Variants in FAM178B observed in about 807,000 individuals in gnomAD.
FAM178B encodes family with sequence similarity 178 member B, also known as protein FAM178B.
A neutral mutation model predicts 91.7 loss-of-function variants in FAM178B; 82 were observed. The observed-to-expected ratio is 0.89, with a 90% CI of 0.75 to 1.07. The LOEUF (loss-of-function observed/expected upper bound fraction) is 1.07. Among genes scored for constraint, FAM178B ranks in the 50% least tolerant of loss-of-function variants. FAM178B has a pLI of 0.00. For missense variants in FAM178B, 769 were observed against 846.7 expected, an observed-to-expected ratio of 0.91 and a Z score of 1.14; for synonymous variants, 368 against 359.4, an observed-to-expected ratio of 1.02 and a Z score of -0.27.
intron 14 of FAM178B, among the ~76,000 whole-genome samples, chr2:96,888,099 C>T (rs2080573757): frequency 6.6e-6 from 1 of 152,274 alleles, no homozygotes; most frequent in South Asian, 2.1e-4. Flanking sequence ...CCCAGAAGTA[C>T]TGGCCTGTCC....
At chr2:96,914,123 C>T (rs1038672998) in intron 12 of FAM178B, among the ~76,000 whole-genome samples, 19 of 152,256 alleles carry the variant, frequency 1.2e-4, no homozygotes, top group South Asian at 2.1e-4. Flanking sequence ...GGGAGATGGA[C>T]GGGGCCCTCC....
At chr2:96,930,714 G>A (rs2081526439) in intron 8 of FAM178B, among the ~76,000 whole-genome samples, 1 of 152,208 alleles carries the variant, frequency 6.6e-6, no homozygotes, top group African/African-American at 2.4e-5. Context: ...GAGTGTTTAT[G>A]TATAGCCTCC....
At chr2:96,930,512 T>C (rs574654241) in intron 8 of FAM178B, among the ~76,000 whole-genome samples, 31 of 152,286 alleles carry the variant, frequency 2.0e-4, no homozygotes, top group African/African-American at 7.5e-4. Context: ...AGCAGTTGAC[T>C]TGCTTCTCCT....
At chr2:96,984,862 C>T (rs908993454) in intron 1 of FAM178B, among the ~76,000 whole-genome samples, 6 of 152,228 alleles carry the variant, frequency 3.9e-5, no homozygotes, top group Non-Finnish European at 7.4e-5. Flanking sequence ...TCTCTGCCTG[C>T]GTCTCCAACT....
chr2:96,896,244 C>A (rs991370553), intron 13 of FAM178B, among the ~76,000 whole-genome samples: 6 of 152,222 alleles, frequency 3.9e-5, no homozygotes, highest in African/African-American at 1.4e-4. Flanking sequence ...TCTTGCGATG[C>A]TTGCTCTTGT....
At chr2:96,949,552 C>G (rs753528624) in intron 7 of FAM178B, among the ~76,000 whole-genome samples, 1 of 152,182 alleles carries the variant, frequency 6.6e-6, no homozygotes, top group East Asian at 1.9e-4. Flanking sequence ...TGCCCCTACC[C>G]TGGGACCTCA....
At chr2:96,940,760 G>A (rs1333126557) in intron 8 of FAM178B, among the ~76,000 whole-genome samples, 3 of 152,238 alleles carry the variant, frequency 2.0e-5, no homozygotes, top group Admixed American at 6.5e-5. Context: ...AGGCACATAT[G>A]TAAGTGTATA....
At chr2:96,938,622 A>G (rs1304398784) in intron 8 of FAM178B, among the ~76,000 whole-genome samples, 1 of 152,252 alleles carries the variant, frequency 6.6e-6, no homozygotes, top group Non-Finnish European at 1.5e-5. Flanking sequence ...CACTCATTCA[A>G]CAAAAACCAC....
chr2:96,877,547 C>G (rs1055092313), intron 16 of FAM178B, among the ~76,000 whole-genome samples: 1 of 152,150 alleles, frequency 6.6e-6, no homozygotes, highest in Non-Finnish European at 1.5e-5. Context: ...GGATTACAGG[C>G]GCACACCACC....
intron 13 of FAM178B, among the ~76,000 whole-genome samples, chr2:96,901,721 T>C (rs1251321082): frequency 6.6e-6 from 1 of 152,142 alleles, no homozygotes; most frequent in African/African-American, 2.4e-5. Flanking sequence ...TGGAGATGGA[T>C]GGTGGTGATG....
At chr2:96,903,785 G>A (rs2080979712) in intron 12 of FAM178B, among the ~76,000 whole-genome samples, 3 of 152,214 alleles carry the variant, frequency 2.0e-5, no homozygotes, top group Non-Finnish European at 2.9e-5. Context: ...CTGGGTGAAC[G>A]GGAACTGAGG....
intron 7 of FAM178B, among the ~76,000 whole-genome samples, chr2:96,949,338 C>A (rs1041698065): frequency 6.6e-6 from 1 of 152,186 alleles, no homozygotes; most frequent in Non-Finnish European, 1.5e-5. Flanking sequence ...CCTGGGACCC[C>A]ACTTCCCGAG....
chr2:96,929,436 T>C lies in FAM178B; in HGVS notation c.1079-116A>G, dbSNP rs1559079796. The C allele has an allele frequency of 8.4e-6, 6 of 711,440 alleles. No individual in the cohort carries two copies. The East Asian group carries it at 1.4e-4, about 16-fold the overall frequency. 44.1% of individuals were successfully genotyped at this position (711,440 alleles called of 1,614,324 possible). On this transcript the variant is annotated intron_variant, in intron 8 of 16. Coordinates refer to ENST00000490605, the MANE Select transcript of FAM178B (RefSeq NM_001122646.3). ...CCCAAGATAACCAGTTTTTGCCTTC[T>C]CTGACACCACAGGTGTTATCTGGGG...
intron 12 of FAM178B, among the ~76,000 whole-genome samples, chr2:96,914,348 C>T (rs2081207604): frequency 6.6e-6 from 1 of 152,138 alleles, no homozygotes; most frequent in Non-Finnish European, 1.5e-5. Flanking sequence ...AACGTGCGGG[C>T]ATGAGGGAGG....
intron 6 of FAM178B, among the ~76,000 whole-genome samples, chr2:96,956,474 C>T (rs1183514208): frequency 6.6e-6 from 1 of 152,214 alleles, no homozygotes; most frequent in Non-Finnish European, 1.5e-5. Flanking sequence ...GCTCGCTCTG[C>T]AGTCTGAAAC....
intron 13 of FAM178B, 107 bp from the exon 14 acceptor site, chr2:96,894,158 C>G: frequency 7.4e-7 from 1 of 1,356,458 alleles, no homozygotes; most frequent in Non-Finnish European, 1.0e-6. Context: ...TGTGTTAGGG[C>G]ACTGGCTTCT....
chr2:96,893,269 G>C (rs1449933906), intron 14 of FAM178B, among the ~76,000 whole-genome samples: 1 of 152,074 alleles, frequency 6.6e-6, no homozygotes, highest in East Asian at 1.9e-4. Context: ...TGCCCACTCT[G>C]CAGCCCTCAC....
intron 13 of FAM178B, among the ~76,000 whole-genome samples, chr2:96,895,792 C>A (rs2080810922): frequency 6.6e-6 from 1 of 152,252 alleles, no homozygotes; most frequent in African/African-American, 2.4e-5. Flanking sequence ...TTGAGCTTAG[C>A]CTGGCTGGCA....
chr2:96,918,960 C>T (rs1349945595), intron 12 of FAM178B, among the ~76,000 whole-genome samples: 1 of 152,212 alleles, frequency 6.6e-6, no homozygotes, highest in African/African-American at 2.4e-5. Context: ...CTTGCTCAAT[C>T]GATCACGACC....
Sources: gnomAD v4.1 joint callset for allele counts (sites outside exome capture counted in the v4.1 genomes callset) on GRCh38, gnomAD v4.1.1 for gene constraint, MANE v1.5 for transcripts, NCBI Gene and HGNC (gene_info 2026-07-23, HGNC 2026-07-21) for gene names.